SIK2: variants seen among roughly 807,000 people sequenced by gnomAD.
SIK2 encodes the protein serine/threonine-protein kinase SIK2.
Under a neutral mutation model 103.2 loss-of-function variants are expected in SIK2, and 29 were observed. The observed-to-expected ratio is 0.28, with a 90% CI of 0.21 to 0.38. The LOEUF is 0.38. Ranked by LOEUF, SIK2 falls within the 10% of genes least tolerant of loss-of-function variation. The probability of loss-of-function intolerance (pLI) is 1.00; values close to 1 mark genes in which losing one functional copy is unlikely to be tolerated. For synonymous variants in SIK2, 412 were observed against 446.1 expected (o/e 0.92, Z 0.96); for missense variants, 879 against 1,171.0 (o/e 0.75, Z 3.64).
intron 3 of SIK2, among the ~76,000 whole-genome samples, chr11:111,666,943 TTTTA>T (rs57641391): frequency 0.039 from 5,663 of 145,394 alleles, 406 homozygotes; most frequent in African/African-American, 0.13. Flanking sequence ...TTTTATTTTA[TTTTA>T]TTTATTTATT....
chr11:111,655,138 A>G (rs1483218359), intron 3 of SIK2, among the ~76,000 whole-genome samples: 1 of 152,258 alleles, frequency 6.6e-6, no homozygotes, highest in Non-Finnish European at 1.5e-5. Flanking sequence ...ACAGTGGCTC[A>G]TGCCTGTGAT....
chr11:111,648,207 T>C (rs1591600431), intron 3 of SIK2, among the ~76,000 whole-genome samples: 1 of 152,300 alleles, frequency 6.6e-6, no homozygotes, highest in East Asian at 1.9e-4. Context: ...TTTTTAAATA[T>C]ATTATTACTA....
chr11:111,642,879 T>C (rs552301594), intron 3 of SIK2, among the ~76,000 whole-genome samples: 1 of 145,300 alleles, frequency 6.9e-6, no homozygotes, highest in South Asian at 2.1e-4. Flanking sequence ...CCATAGGTTT[T>C]AGAAGCTCTC....
chr11:111,669,844 A>G (rs562464437), intron 3 of SIK2, among the ~76,000 whole-genome samples: 3 of 152,140 alleles, frequency 2.0e-5, no homozygotes, highest in Non-Finnish European at 2.9e-5. Context: ...GCCATAGTCT[A>G]TCTTTCCAAA....
At chr11:111,708,787 A>G (rs1294052401) in intron 8 of SIK2, among the ~76,000 whole-genome samples, 1 of 151,940 alleles carries the variant, frequency 6.6e-6, no homozygotes, top group Admixed American at 6.6e-5. Context: ...AGGGTCTTGC[A>G]ATGTTGCCTA....
chr11:111,694,105 G>A (rs559138576), intron 4 of SIK2, among the ~76,000 whole-genome samples: 14 of 152,190 alleles, frequency 9.2e-5, no homozygotes, highest in Non-Finnish European at 1.8e-4. Flanking sequence ...TAAATTGTTA[G>A]ATAAAGCTCC....
intron 3 of SIK2, among the ~76,000 whole-genome samples, chr11:111,652,567 A>G (rs1942341011): frequency 6.6e-6 from 1 of 152,232 alleles, no homozygotes; most frequent in Non-Finnish European, 1.5e-5. Context: ...CTGGGCATCT[A>G]ATTAATATAA....
chr11:111,627,796 A>G (rs930709853), intron 3 of SIK2, among the ~76,000 whole-genome samples: 3 of 151,846 alleles, frequency 2.0e-5, no homozygotes, highest in Admixed American at 6.6e-5. Flanking sequence ...TGTTTTTTTC[A>G]TTGTTAGTTT....
chr11:111,619,802 G>T (rs940071256), intron 2 of SIK2, among the ~76,000 whole-genome samples: 1 of 152,158 alleles, frequency 6.6e-6, no homozygotes, highest in Non-Finnish European at 1.5e-5. Context: ...AGAGTACTTT[G>T]TAACAATATT....
intron 8 of SIK2, among the ~76,000 whole-genome samples, chr11:111,707,797 A>G (rs1943391253): frequency 6.6e-6 from 1 of 152,232 alleles, no homozygotes; most frequent in Non-Finnish European, 1.5e-5. Flanking sequence ...TGATCCAGTC[A>G]ATACAAAGAT....
chr11:111,674,925 T>G (rs1481104579), intron 3 of SIK2, among the ~76,000 whole-genome samples: 1 of 152,208 alleles, frequency 6.6e-6, no homozygotes, highest in Non-Finnish European at 1.5e-5. Context: ...GTTTGTATTT[T>G]TAGCTGAGAT....
chr11:111,674,156 T>A lies in SIK2; in HGVS notation c.317-13845T>A, dbSNP rs574905145. 2.0e-5 allele frequency among the ~76,000 whole-genome samples: 3 copies of A among 152,230 alleles called. No homozygotes were observed. The East Asian group carries it at 5.8e-4, about 29-fold the overall frequency. On this transcript the variant is annotated intron_variant, in intron 3 of 14. Transcript: ENST00000304987. Reference sequence around the variant, plus strand: ...AACAGGCCTACAAAGACTAAGGTGATGGCCCAGGAGCTGAGAACAGAGCCC... The same window carrying A: ...AACAGGCCTACAAAGACTAAGGTGAAGGCCCAGGAGCTGAGAACAGAGCCC...
intron 3 of SIK2, among the ~76,000 whole-genome samples, chr11:111,629,581 T>C (rs1223540987): frequency 6.6e-6 from 1 of 152,168 alleles, no homozygotes; most frequent in Non-Finnish European, 1.5e-5. Flanking sequence ...GGACAATTGA[T>C]AGTTGAAAAT....
At chr11:111,646,393 G>A (rs1942258096) in intron 3 of SIK2, among the ~76,000 whole-genome samples, 1 of 152,160 alleles carries the variant, frequency 6.6e-6, no homozygotes. Context: ...AGGTTGCAGT[G>A]AGCTGAGATT....
At chr11:111,715,882 A>G (rs948192811) in intron 9 of SIK2, among the ~76,000 whole-genome samples, 1 of 138,802 alleles carries the variant, frequency 7.2e-6, no homozygotes, top group East Asian at 2.1e-4. Flanking sequence ...GCTCATTGCA[A>G]CCTCCGCCCC....
rs183176136 is a variant in SIK2 at position 111,724,224 on chromosome 11, C to T, written c.*95C>T. 1.4e-6 allele frequency: 2 copies of T among 1,478,114 alleles called. No individual in the cohort carries two copies. Among genetic ancestry groups the T allele is most frequent in the African/African-American group, 2.8e-5 (2 of 71,998 alleles). 91.6% of individuals were successfully genotyped at this position (1,478,114 alleles called of 1,614,324 possible). A position where few individuals can be genotyped will look rare whatever the true frequency, so the allele number is the denominator to read the frequency against. ...TAAATTTAAAGCTTATTTTCTTGCC[C>T]TCTCCCTAACGGGGAGAAATCGAGC... On this transcript the variant is annotated 3_prime_UTR_variant, in exon 15 of 15. Coordinates refer to ENST00000304987, the MANE Select transcript of SIK2 (RefSeq NM_015191.3).
chr11:111,685,857 TAAATAAAC>T (rs1411361087), intron 3 of SIK2, among the ~76,000 whole-genome samples: 2 of 151,820 alleles, frequency 1.3e-5, no homozygotes, highest in Non-Finnish European at 2.9e-5. Flanking sequence ...GACTAAAAAA[TAAATAAAC>T]AAATAAAATA....
At chr11:111,636,408 ATTAT>A (rs1942109420) in intron 3 of SIK2, among the ~76,000 whole-genome samples, 1 of 152,346 alleles carries the variant, frequency 6.6e-6, no homozygotes, top group African/African-American at 2.4e-5. Context: ...AGAGCAATAC[ATTAT>A]TTATTGAGGG....
intron 3 of SIK2, among the ~76,000 whole-genome samples, chr11:111,645,545 G>A (rs1424726048): frequency 6.6e-6 from 1 of 152,160 alleles, no homozygotes; most frequent in African/African-American, 2.4e-5. Flanking sequence ...AACAGGCCAG[G>A]CACAGTGGCT....
Sources: gnomAD v4.1 joint callset for allele counts (sites outside exome capture counted in the v4.1 genomes callset) on GRCh38, gnomAD v4.1.1 for gene constraint, MANE v1.5 for transcripts, NCBI Gene and HGNC (gene_info 2026-07-23, HGNC 2026-07-21) for gene names.